Variants in CLMN observed in about 807,000 individuals in gnomAD.
The protein encoded by CLMN is calmin (calponin-like, transmembrane).
In CLMN, 57 loss-of-function variants were observed where a neutral mutation model predicts 92.7. That is an observed-to-expected ratio of 0.61 (90% CI 0.50 to 0.77). The LOEUF is 0.77. Ranked by LOEUF, CLMN falls within the 30% of genes least tolerant of loss-of-function variation. The probability of loss-of-function intolerance (pLI) is 0.00; values close to 1 mark genes in which losing one functional copy is unlikely to be tolerated. For synonymous variants in CLMN, 466 were observed against 470.6 expected (o/e 0.99, Z 0.13); for missense variants, 1,158 against 1,237.5 (o/e 0.94, Z 0.96).
intron 7 of CLMN, 122 bp downstream of exon 7, chr14:95,210,564 A>C (rs529486417): frequency 1.1e-6 from 1 of 936,248 alleles, no homozygotes; most frequent in South Asian, 1.6e-5. Context: ...GAGTGGTAGA[A>C]ATATAGGAGA....
chr14:95,316,856 T>C (rs1043421026), intron 1 of CLMN, among the ~76,000 whole-genome samples: 1 of 152,148 alleles, frequency 6.6e-6, no homozygotes, highest in Non-Finnish European at 1.5e-5. Context: ...GAATCAGGAA[T>C]GCCTGACCCT....
chr14:95,249,928 A>G (rs982030147), intron 1 of CLMN, among the ~76,000 whole-genome samples: 1 of 152,216 alleles, frequency 6.6e-6, no homozygotes, highest in Non-Finnish European at 1.5e-5. Flanking sequence ...GCCATGTAAC[A>G]AAGTTTGGCC....
chr14:95,307,146 T>G (rs1414165285), intron 1 of CLMN, among the ~76,000 whole-genome samples: 1 of 152,160 alleles, frequency 6.6e-6, no homozygotes, highest in Non-Finnish European at 1.5e-5. Flanking sequence ...TATCATCCCT[T>G]TCCACCAAAA....
At chr14:95,247,690 C>A (rs1898624222) in intron 1 of CLMN, among the ~76,000 whole-genome samples, 1 of 152,184 alleles carries the variant, frequency 6.6e-6, no homozygotes, top group African/African-American at 2.4e-5. Flanking sequence ...GGGACCCTGG[C>A]AGCCAACAAT....
Position 95,190,798 on chromosome 14 carries a change from C to T in CLMN, c.*766G>A, listed in dbSNP as rs1196475026. ...GCCACTCCTCATGGCTTTTATATGG[C>T]CCTGCTGGGCCCTGGCGATCTGGTT... On this transcript the variant is annotated 3_prime_UTR_variant, in exon 13 of 13. Transcript: ENST00000298912. The T allele has an allele frequency of 6.6e-6, 1 of 152,210 alleles. No individual in the cohort carries two copies. Among genetic ancestry groups the T allele is most frequent in the African/African-American group, 2.4e-5 (1 of 41,454 alleles). 9.4% of individuals were successfully genotyped at this position (152,210 alleles called of 1,614,324 possible).
intron 1 of CLMN, among the ~76,000 whole-genome samples, chr14:95,318,811 A>C (rs1885155728): frequency 6.6e-6 from 1 of 152,196 alleles, no homozygotes; most frequent in African/African-American, 2.4e-5. Flanking sequence ...GAAGCTGGAG[A>C]TACAGTTCCA....
intron 1 of CLMN, among the ~76,000 whole-genome samples, chr14:95,239,771 C>G (rs2140652171): frequency 1.3e-5 from 2 of 152,276 alleles, no homozygotes; most frequent in East Asian, 3.9e-4. Flanking sequence ...GCATTTGAAC[C>G]CAGACCCCAT....
intron 1 of CLMN, among the ~76,000 whole-genome samples, chr14:95,260,314 C>A (rs1186098016): frequency 6.6e-6 from 1 of 151,942 alleles, no homozygotes; most frequent in African/African-American, 2.4e-5. Flanking sequence ...AGGTGGCGGG[C>A]GCCTGTAGTC....
intron 1 of CLMN, among the ~76,000 whole-genome samples, chr14:95,247,875 T>C (rs576275990): frequency 4.7e-5 from 7 of 150,250 alleles, no homozygotes; most frequent in Non-Finnish European, 8.9e-5. Flanking sequence ...GAGAGAGACA[T>C]AGAGATGAGA....
rs1900029978 is a variant in CLMN, at chr14:95,278,740, T to C, written c.82+40971A>G. ...GGCAGTAATGGGAAGATACTCTCTT[T>C]GCATATTTGGATCAGAGAAGCATGT... On this transcript the variant is annotated intron_variant, in intron 1 of 12. Transcript: ENST00000298912. Among the ~76,000 whole-genome samples the C allele has an allele frequency of 2.6e-5, 4 of 152,332 alleles. No homozygotes were observed. The South Asian group carries it at 8.3e-4, about 32-fold the overall frequency.
intron 4 of CLMN, among the ~76,000 whole-genome samples, chr14:95,218,741 G>C (rs1897432553): frequency 6.6e-6 from 1 of 152,190 alleles, no homozygotes; most frequent in African/African-American, 2.4e-5. Flanking sequence ...CTGGTAAATG[G>C]GGCCCAGTGG....
intron 1 of CLMN, among the ~76,000 whole-genome samples, chr14:95,236,382 C>A (rs549986781): frequency 8.5e-5 from 13 of 152,336 alleles, no homozygotes; most frequent in African/African-American, 2.6e-4. Context: ...CCACCCAGAA[C>A]ATCTCGCGCA....
intron 1 of CLMN, among the ~76,000 whole-genome samples, chr14:95,296,954 G>A (rs1900832285): frequency 6.6e-6 from 1 of 152,154 alleles, no homozygotes; most frequent in Admixed American, 6.5e-5. Flanking sequence ...CCATCAGACG[G>A]GATAAGAGAA....
chr14:95,193,072 C>T, intron 12 of CLMN: 1 of 449,954 alleles, frequency 2.2e-6, no homozygotes, highest in Admixed American at 3.9e-5. Context: ...GGGTAATATT[C>T]AGACAGAGGC....
Position 95,191,034 on chromosome 14 carries a change from G to C in CLMN, c.*530C>G, listed in dbSNP as rs916477573. On this transcript the variant is annotated 3_prime_UTR_variant, in exon 13 of 13. Coordinates refer to ENST00000298912, the MANE Select transcript of CLMN (RefSeq NM_024734.4). This position sits in a 1 kb window ranked among gnomAD's most constrained non-coding sequence, Gnocchi z 5.3. ...GAGCTGGCTGCTCGGATTTCCCCTA[G>C]TGAATGCAACCAGTTACCGGACTGC... The C allele has an allele frequency of 6.6e-6, 1 of 152,336 alleles. No individual in the cohort carries two copies. Among genetic ancestry groups the C allele is most frequent in the Non-Finnish European group, 1.5e-5 (1 of 68,154 alleles). The allele number at this position is 152,336 out of a possible 1,614,324, so 9.4% of individuals were successfully genotyped here.
At chr14:95,236,728 A>G (rs1248860681) in intron 1 of CLMN, among the ~76,000 whole-genome samples, 1 of 152,222 alleles carries the variant, frequency 6.6e-6, no homozygotes, top group Non-Finnish European at 1.5e-5. Flanking sequence ...GGCTCTGCCA[A>G]CAAGCCCCTC....
At chr14:95,302,904 G>C (rs2140782071) in intron 1 of CLMN, among the ~76,000 whole-genome samples, 2 of 152,312 alleles carry the variant, frequency 1.3e-5, no homozygotes, top group Non-Finnish European at 2.9e-5. Context: ...CTCTGGCTTT[G>C]TTCTTATTGA....
At chr14:95,313,249 C>A (rs1049211796) in intron 1 of CLMN, among the ~76,000 whole-genome samples, 1 of 152,190 alleles carries the variant, frequency 6.6e-6, no homozygotes, top group Non-Finnish European at 1.5e-5. Flanking sequence ...ACACACACCA[C>A]TTTTCTTTTG....
rs1896442449 is a variant in CLMN at position 95,186,476 on chromosome 14, T to C, written c.*5088A>G. On this transcript the variant is annotated 3_prime_UTR_variant, in exon 13 of 13. Coordinates refer to ENST00000298912, the MANE Select transcript of CLMN (RefSeq NM_024734.4). ...GCCCCGACCACCTGATCATCAACTA[T>C]GGCAAGATACAAACTTCGACGAGGC... The C allele has an allele frequency of 6.6e-6, 1 of 152,218 alleles. No homozygotes were observed. Among genetic ancestry groups the C allele is most frequent in the African/African-American group, 2.4e-5 (1 of 41,450 alleles). 9.4% of individuals were successfully genotyped at this position (152,218 alleles called of 1,614,324 possible).
Sources: gnomAD v4.1 joint callset for allele counts (sites outside exome capture counted in the v4.1 genomes callset) on GRCh38, gnomAD v4.1.1 for gene constraint, Gnocchi (gnomAD v3.1) non-coding constraint, MANE v1.5 for transcripts, NCBI Gene and HGNC (gene_info 2026-07-23, HGNC 2026-07-21) for gene names.